ECT2L: variants seen among roughly 807,000 people sequenced by gnomAD.
ECT2L encodes the protein epithelial cell-transforming sequence 2 oncogene-like.
In ECT2L, 126 loss-of-function variants were observed where a neutral mutation model predicts 122.8. The ratio of observed to expected loss-of-function variants is 1.03; its 90% confidence interval spans 0.89 to 1.19. The LOEUF (loss-of-function observed/expected upper bound fraction) is 1.19, where lower values mean the gene tolerates loss of function less well. Among genes scored for constraint, ECT2L ranks in the 50% most tolerant of loss-of-function variants. The pLI is 0.00. For missense variants in ECT2L, 1,012 were observed against 1,064.1 expected, an observed-to-expected ratio of 0.95 and a Z score of 0.68; for synonymous variants, 385 against 381.8, an observed-to-expected ratio of 1.01 and a Z score of -0.10.
chr6:138,878,423 G>C (rs1384463192), intron 14 of ECT2L, among the ~76,000 whole-genome samples: 1 of 151,894 alleles, frequency 6.6e-6, no homozygotes, highest in Non-Finnish European at 1.5e-5. Flanking sequence ...AGCATGCCAC[G>C]AAGGGAGAAA....
chr6:138,799,561 CTTTTT>C (rs961440911), intron 1 of ECT2L, among the ~76,000 whole-genome samples: 1 of 149,468 alleles, frequency 6.7e-6, no homozygotes, highest in Admixed American at 6.7e-5. Flanking sequence ...GGCCTCTTTT[CTTTTT>C]TTTTGAGTCA....
intron 11 of ECT2L, among the ~76,000 whole-genome samples, chr6:138,863,991 T>C (rs1777933418): frequency 8.0e-6 from 1 of 124,914 alleles, no homozygotes; most frequent in African/African-American, 3.3e-5. Flanking sequence ...CTTGTTCTCA[T>C]TCTCCGTATT....
intron 14 of ECT2L, among the ~76,000 whole-genome samples, chr6:138,877,986 CTCT>C (rs1055974585): frequency 6.6e-6 from 1 of 152,050 alleles, no homozygotes; most frequent in Non-Finnish European, 1.5e-5. Flanking sequence ...TCTCATTTTT[CTCT>C]TAAGTTTTTT....
chr6:138,862,590 T>A (rs773541001), intron 10 of ECT2L, 37 bp from the exon 11 acceptor site: 5 of 1,576,830 alleles, frequency 3.2e-6, no homozygotes, highest in Non-Finnish European at 4.4e-6. Context: ...TGGCAAAATA[T>A]ATGAGGAAAC....
intron 13 of ECT2L, among the ~76,000 whole-genome samples, chr6:138,874,687 T>C (rs1214365721): frequency 6.6e-6 from 1 of 152,128 alleles, no homozygotes; most frequent in African/African-American, 2.4e-5. Flanking sequence ...GGCTCCCTTA[T>C]CTGTGAGATC....
In ECT2L at chr6:138,838,436, T is replaced by C. The variant is rs759556864; in HGVS notation, c.264T>C (p.Tyr88=). The C allele has an allele frequency of 3.1e-6, 5 of 1,614,120 alleles. No homozygotes were observed. In the South Asian group the frequency reaches 5.5e-5, roughly 18 times the overall value. The change falls in exon 5 of 22, where the codon TAT becomes TAC. Residue 88 remains tyrosine, a synonymous_variant. Transcript: ENST00000541398. ...STVLPRFISL[Y]IFSFLSPKDL... Reference sequence around the variant, plus strand: ...TGTTACCACGCTTCATTTCTCTATATATCTTTTCCTTTTTGAGTCCGAAAG... The same window carrying C: ...TGTTACCACGCTTCATTTCTCTATACATCTTTTCCTTTTTGAGTCCGAAAG...
chr6:138,846,449 G>T, intron 7 of ECT2L, 90 bp from the exon 8 acceptor site: 1 of 1,295,364 alleles, frequency 7.7e-7, no homozygotes, highest in East Asian at 2.5e-5. Context: ...TTGTAGAGTA[G>T]AGCTGATGCC....
intron 4 of ECT2L, among the ~76,000 whole-genome samples, chr6:138,825,878 C>T (rs1776430849): frequency 6.6e-6 from 1 of 152,200 alleles, no homozygotes; most frequent in Non-Finnish European, 1.5e-5. Context: ...GTGACACTGG[C>T]ATTCATGAGG....
chr6:138,846,657 T>C lies in ECT2L; in HGVS notation c.883T>C (p.Ser295Pro). 6.2e-7 allele frequency: 1 copy of C among 1,603,940 alleles called. No homozygotes were observed. The highest frequency in any genetic ancestry group is 8.5e-7 in the Non-Finnish European group (1 of 1,176,106). The change falls in exon 8 of 22, where the codon TCC becomes CCC. Residue 295 changes from serine (S) to proline (P), a missense_variant. Coordinates refer to ENST00000541398, the MANE Select transcript of ECT2L (RefSeq NM_001077706.3). The stretch of plus-strand genomic sequence containing the variant: ...CCGGCCACACTTCATGTTAATATCA[T>C]CCCGGATTCCTGCGTATGAGGTAGA... ...ALRPHFMLIS[S>P]RIPAYEMVME...
intron 4 of ECT2L, chr6:138,822,825 T>C: frequency 6.2e-7 from 1 of 1,613,726 alleles, no homozygotes; most frequent in Non-Finnish European, 8.5e-7. Context: ...CTACAGTCAA[T>C]ATGAATTGAT....
intron 12 of ECT2L, among the ~76,000 whole-genome samples, chr6:138,866,343 G>C (rs1737152907): frequency 6.6e-6 from 1 of 151,816 alleles, no homozygotes; most frequent in Non-Finnish European, 1.5e-5. Flanking sequence ...TTTTTAGATG[G>C]AGTCTTACTC....
chr6:138,898,697 T>A (rs575738020), intron 20 of ECT2L, among the ~76,000 whole-genome samples: 11 of 152,164 alleles, frequency 7.2e-5, no homozygotes, highest in African/African-American at 2.4e-4. Context: ...ATTAAAGCCA[T>A]TACCATATAA....
rs1458150201 is a variant in ECT2L, at chr6:138,844,435, C to A, written c.619C>A (p.Pro207Thr). Reference sequence around the variant, plus strand: ...AGAGGAGTTATTCAAAGTTCGACCCCCTTGGGTGAGTGGAACTTGCTGCTC... The same window carrying A: ...AGAGGAGTTATTCAAAGTTCGACCCACTTGGGTGAGTGGAACTTGCTGCTC... The part of the protein sequence containing the change: ...RKKELFKVRP[P>T]WVSGTCCSSV... Residue 207 changes from proline to threonine, a missense_variant, in exon 7 of 22, where the codon CCT becomes ACT. Pro to Thr is a conservative substitution (Grantham distance 38, BLOSUM62 -1). Transcript: ENST00000541398. 6.2e-7 allele frequency: 1 copy of A among 1,613,976 alleles called. No homozygotes were observed. The highest frequency in any genetic ancestry group is 1.3e-5 in the African/African-American group (1 of 74,932).
chr6:138,886,032 A>T (rs1012216019), intron 18 of ECT2L, among the ~76,000 whole-genome samples: 1 of 152,192 alleles, frequency 6.6e-6, no homozygotes, highest in Admixed American at 6.6e-5. Flanking sequence ...ACATGAGACA[A>T]TGTTTTCAGA....
intron 19 of ECT2L, 123 bp downstream of exon 19, chr6:138,887,045 C>A: frequency 2.6e-6 from 2 of 758,034 alleles, no homozygotes; most frequent in Non-Finnish European, 4.5e-6. Context: ...ACGTGCCAGG[C>A]ACTGCCATGC....
At chr6:138,851,169 A>G (rs988670834) in intron 9 of ECT2L, among the ~76,000 whole-genome samples, 12 of 151,898 alleles carry the variant, frequency 7.9e-5, no homozygotes, top group African/African-American at 2.9e-4. Context: ...TTCTGTGTGT[A>G]TCTGTGCTTT....
At chr6:138,862,516 G>C (rs1777871218) in intron 10 of ECT2L, 111 bp from the exon 11 acceptor site, 2 of 1,052,268 alleles carry the variant, frequency 1.9e-6, no homozygotes, top group African/African-American at 1.6e-5. Flanking sequence ...CACCTCCAAC[G>C]TTGGGGATTA....
At chr6:138,845,065 C>T (rs1045771033) in intron 7 of ECT2L, among the ~76,000 whole-genome samples, 1 of 152,060 alleles carries the variant, frequency 6.6e-6, no homozygotes, top group Non-Finnish European at 1.5e-5. Context: ...CCAAATATAA[C>T]TTCCACTTAT....
intron 20 of ECT2L, among the ~76,000 whole-genome samples, chr6:138,894,159 C>T (rs112406868): frequency 2.3e-3 from 346 of 152,200 alleles, no homozygotes; most frequent in African/African-American, 7.7e-3. Flanking sequence ...CAGGTTCAAG[C>T]GATTCTCCTG....
Sources: gnomAD v4.1 joint callset for allele counts (sites outside exome capture counted in the v4.1 genomes callset) on GRCh38, gnomAD v4.1.1 for gene constraint, MANE v1.5 for transcripts, NCBI Gene and HGNC (gene_info 2026-07-23, HGNC 2026-07-21) for gene names.